Variants in IP6K1 observed in about 807,000 individuals in gnomAD.
The protein encoded by IP6K1 is ATP:1D-myo-inositol-hexakisphosphate phosphotransferase.
A neutral mutation model predicts 38.3 loss-of-function variants in IP6K1; 13 were observed. The ratio of observed to expected loss-of-function variants is 0.34; its 90% CI spans 0.22 to 0.54. IP6K1 has a LOEUF of 0.54. Ranked by LOEUF, IP6K1 falls within the 20% of genes least tolerant of loss-of-function variation. IP6K1 has a pLI of 0.92. For missense variants in IP6K1, 397 were observed against 599.8 expected (o/e 0.66, Z 3.53); for synonymous variants, 212 against 229.9 (o/e 0.92, Z 0.70).
At chr3:49,752,202 G>T (rs988765162) in intron 1 of IP6K1, among the ~76,000 whole-genome samples, 1 of 151,904 alleles carries the variant, frequency 6.6e-6, no homozygotes. Context: ...TTAAAGACAG[G>T]GTTGGCCGGG....
intron 3 of IP6K1, among the ~76,000 whole-genome samples, chr3:49,734,400 T>TC (rs2108225586): frequency 7.1e-6 from 1 of 140,644 alleles, no homozygotes; most frequent in African/African-American, 2.6e-5. Context: ...ATTTCTTTTT[T>TC]TTTTTTTTTT....
At chr3:49,784,937 C>G (rs2081098470) in intron 1 of IP6K1, among the ~76,000 whole-genome samples, 1 of 152,046 alleles carries the variant, frequency 6.6e-6, no homozygotes, top group African/African-American at 2.4e-5. Flanking sequence ...GAGCAAGACT[C>G]CATCTCAAAA....
chr3:49,784,064 T>G (rs767038616), intron 1 of IP6K1, among the ~76,000 whole-genome samples: 13 of 152,092 alleles, frequency 8.5e-5, no homozygotes, highest in Non-Finnish European at 2.9e-5. Flanking sequence ...TCACCCAGGC[T>G]GGAGTGCAGT....
chr3:49,747,993 T>A lies in IP6K1; in HGVS notation c.48A>T (p.Ala16=). The change falls in exon 2 of 6, where the codon GCA becomes GCT. Residue 16 remains alanine, a synonymous_variant. Transcript: ENST00000321599. The stretch of plus-strand genomic sequence containing the variant: ...GGACTCCCCGGTCTCCAGCCCGACT[T>A]GCATTCTTGCCATACTGCCCCACTT... ...TMEVGQYGKN[A]SRAGDRGVLL... 1 of 1,613,944 alleles carries A rather than the reference T, an allele frequency of 6.2e-7. No homozygotes were observed. The highest frequency in any genetic ancestry group is 1.1e-5 in the South Asian group (1 of 91,068).
chr3:49,780,360 C>G (rs1388566093), intron 1 of IP6K1, among the ~76,000 whole-genome samples: 1 of 33,928 alleles, frequency 2.9e-5, no homozygotes, highest in Non-Finnish European at 6.4e-5. Flanking sequence ...GCTTTCCTAC[C>G]CAGAATCTAT....
intron 1 of IP6K1, among the ~76,000 whole-genome samples, chr3:49,757,967 T>C: frequency 6.6e-6 from 1 of 152,172 alleles, no homozygotes; most frequent in Non-Finnish European, 1.5e-5. Context: ...GTCACAGCAT[T>C]GACCTTTTTA....
intron 1 of IP6K1, among the ~76,000 whole-genome samples, chr3:49,760,937 T>C (rs1309752716): frequency 5.9e-5 from 9 of 152,314 alleles, no homozygotes; most frequent in Non-Finnish European, 1.3e-4. Context: ...TGAGGTAATA[T>C]ATGAAAAAAC....
intron 1 of IP6K1, among the ~76,000 whole-genome samples, chr3:49,771,793 ATATC>A (rs1348609287): frequency 6.6e-6 from 1 of 152,248 alleles, no homozygotes; most frequent in Non-Finnish European, 1.5e-5. Flanking sequence ...AACAGCCCAA[ATATC>A]TATCAACAGA....
chr3:49,769,759 A>AT lies in IP6K1; in HGVS notation c.-129+16594dup, dbSNP rs575669640. ...TTGTCTTAGATCATTTCTGTAGGAG[A>AT]TAACTGCACGCCATGAGGAAACTCA... On this transcript the variant is annotated intron_variant, in intron 1 of 5. Transcript: ENST00000321599. Among the ~76,000 whole-genome samples the AT allele has an allele frequency of 8.5e-5, 13 of 152,306 alleles. 1 individual carries two copies. The South Asian group carries it at 2.7e-3, about 32-fold the overall frequency.
At chr3:49,770,847 C>T (rs1230665066) in intron 1 of IP6K1, among the ~76,000 whole-genome samples, 1 of 152,096 alleles carries the variant, frequency 6.6e-6, no homozygotes, top group African/African-American at 2.4e-5. Flanking sequence ...GTCTTGATCA[C>T]ACCCGTATTC....
chr3:49,751,232 T>C (rs2108240550), intron 1 of IP6K1, among the ~76,000 whole-genome samples: 1 of 152,194 alleles, frequency 6.6e-6, no homozygotes, highest in East Asian at 1.9e-4. Flanking sequence ...CTCGGCTCAC[T>C]GCAACCTCTG....
rs772124531 is a variant in IP6K1 at position 49,727,960 on chromosome 3, C to T, written c.792+143G>A. 12 of 793,136 alleles carry T rather than the reference C, an allele frequency of 1.5e-5. No homozygotes were observed. The highest frequency in any genetic ancestry group is 2.5e-5 in the Non-Finnish European group (12 of 486,238). The allele number at this position is 793,136 out of a possible 1,614,324, so 49.1% of individuals were successfully genotyped here. ...GAGGCAGCAGACTCTCACAGTGGTC[C>T]TGCACCTGAGGCCCATATCAAAGTC... On this transcript the variant is annotated intron_variant, in intron 5 of 5. Coordinates refer to ENST00000321599, the MANE Select transcript of IP6K1 (RefSeq NM_153273.4). This position sits in a 1 kb window ranked among gnomAD's most constrained non-coding sequence, Gnocchi z 5.9.
At chr3:49,747,131 T>A (rs960494478) in intron 2 of IP6K1, among the ~76,000 whole-genome samples, 5 of 152,108 alleles carry the variant, frequency 3.3e-5, no homozygotes, top group African/African-American at 1.2e-4. Flanking sequence ...GAAACTCTCC[T>A]AAGTAAAGGA....
In IP6K1 at chr3:49,727,449, A is replaced by G. The variant is rs1029080062; in HGVS notation, c.999T>C (p.Ser333=). 1 of 1,614,102 alleles carries G rather than the reference A, an allele frequency of 6.2e-7. No individual in the cohort carries two copies. Among genetic ancestry groups the G allele is most frequent in the Admixed American group, 1.7e-5 (1 of 60,018 alleles). The change falls in exon 6 of 6, where the codon AGT becomes AGC. Residue 333 remains serine (S), a synonymous_variant. Coordinates refer to ENST00000321599, the MANE Select transcript of IP6K1 (RefSeq NM_153273.4). This position sits in a 1 kb window ranked among gnomAD's most constrained non-coding sequence, Gnocchi z 5.9. Reference sequence around the variant, plus strand: ...TGCCATCATAGATGACAAGCAGGGAACTGGAGTAGAAGCGGTAAGAGGCCT... The same window carrying G: ...TGCCATCATAGATGACAAGCAGGGAGCTGGAGTAGAAGCGGTAAGAGGCCT... The part of the protein sequence containing the change: ...ERQASYRFYS[S]SLLVIYDGKE...
intron 1 of IP6K1, among the ~76,000 whole-genome samples, chr3:49,774,407 CAAAAAAAAA>C (rs777187857): frequency 0.064 from 2,820 of 44,312 alleles, 101 homozygotes; most frequent in African/African-American, 0.18. Context: ...GACTCCATCT[CAAAAAAAAA>C]AAAAAAAAAA....
At chr3:49,769,655 C>T (rs2080941444) in intron 1 of IP6K1, among the ~76,000 whole-genome samples, 1 of 152,166 alleles carries the variant, frequency 6.6e-6, no homozygotes, top group Non-Finnish European at 1.5e-5. Context: ...GACTTAGGGA[C>T]TCATTCTAAT....
At position 49,747,954 on chromosome 3, in the gene IP6K1, G is replaced by A. The variant is rs766952095; in HGVS notation, c.87C>T (p.Phe29=). Residue 29 remains phenylalanine, a synonymous_variant, in exon 2 of 6, where the codon TTC becomes TTT. Coordinates refer to ENST00000321599, the MANE Select transcript of IP6K1 (RefSeq NM_153273.4). The part of the protein sequence containing the change: ...AGDRGVLLEP[F]IHQVGGHSSM... ...TGCTGTGTCCGCCTACTTGGTGGAT[G>A]AAGGGCTCCAGGAGGACTCCCCGGT... is the stretch of plus-strand genomic sequence containing the variant. 1.8e-5 allele frequency: 29 copies of A among 1,614,068 alleles called. No homozygotes were observed. Among genetic ancestry groups the A allele is most frequent in the Non-Finnish European group, 2.0e-5 (24 of 1,180,024 alleles).
rs1377411102 is a variant in IP6K1, at chr3:49,727,476, C to T, written c.972G>A (p.Arg324=). 1.9e-6 allele frequency: 3 copies of T among 1,614,150 alleles called. No individual in the cohort carries two copies. In the Admixed American group the frequency reaches 5.0e-5, roughly 27 times the overall value. The change falls in exon 6 of 6, where the codon CGG becomes CGA. Residue 324 remains arginine, a synonymous_variant. Transcript: ENST00000321599. The surrounding 1 kb of genome is among the most constrained non-coding windows in gnomAD (Gnocchi z 5.9). ...TGGAGTAGAAGCGGTAAGAGGCCTGCCGCTCCAGCACAGCTTTCAGGCCCC... is the reference window on the plus strand; with the variant it reads ...TGGAGTAGAAGCGGTAAGAGGCCTGTCGCTCCAGCACAGCTTTCAGGCCCC... ...KLRGLKAVLE[R]QASYRFYSSS...
intron 1 of IP6K1, among the ~76,000 whole-genome samples, chr3:49,754,396 G>GA (rs2080804847): frequency 6.6e-6 from 1 of 151,340 alleles, no homozygotes; most frequent in African/African-American, 2.4e-5. Context: ...AAAAAAAGAT[G>GA]AATCAGGCCA....
Sources: gnomAD v4.1 joint callset for allele counts (sites outside exome capture counted in the v4.1 genomes callset) on GRCh38, gnomAD v4.1.1 for gene constraint, Gnocchi (gnomAD v3.1) non-coding constraint, MANE v1.5 for transcripts, NCBI Gene and HGNC (gene_info 2026-07-23, HGNC 2026-07-21) for gene names.